Variants in ARMH3 observed in about 807,000 individuals in gnomAD.
ARMH3 encodes armadillo-like helical domain-containing protein 3.
ARMH3 carries 60 observed loss-of-function variants against 99.1 expected under a neutral mutation model. The ratio of observed to expected loss-of-function variants is 0.61; its 90% CI spans 0.49 to 0.75. The LOEUF (loss-of-function observed/expected upper bound fraction) is 0.75, where lower values mean the gene tolerates loss of function less well. Ranked by LOEUF, ARMH3 falls within the 30% of genes least tolerant of loss-of-function variation. ARMH3 has a pLI of 0.00. For synonymous variants in ARMH3, 285 were observed against 292.8 expected (o/e 0.97, Z 0.27); for missense variants, 679 against 843.1 (o/e 0.81, Z 2.41).
intron 23 of ARMH3, among the ~76,000 whole-genome samples, chr10:101,919,133 C>G (rs971333707): frequency 6.6e-6 from 1 of 152,058 alleles, no homozygotes; most frequent in East Asian, 1.9e-4. Flanking sequence ...GTCTTCAGAA[C>G]AAGCAAAAAG....
At chr10:101,978,873 G>A (rs989693455) in intron 19 of ARMH3, among the ~76,000 whole-genome samples, 12 of 151,982 alleles carry the variant, frequency 7.9e-5, no homozygotes, top group African/African-American at 2.4e-4. Flanking sequence ...CCGGGAGGTC[G>A]AAGTTGCAGT....
intron 24 of ARMH3, among the ~76,000 whole-genome samples, chr10:101,855,204 A>T (rs973094856): frequency 1.5e-5 from 2 of 136,234 alleles, no homozygotes; most frequent in African/African-American, 5.6e-5. Context: ...AGTAGCTGGG[A>T]TTACAGGTGC....
intron 23 of ARMH3, among the ~76,000 whole-genome samples, chr10:101,933,130 G>A (rs1843794098): frequency 6.6e-6 from 1 of 152,166 alleles, no homozygotes; most frequent in African/African-American, 2.4e-5. Flanking sequence ...AGCTTGCAGT[G>A]AGCGGAGATT....
At chr10:101,932,678 A>C (rs1332742215) in intron 23 of ARMH3, among the ~76,000 whole-genome samples, 1 of 152,268 alleles carries the variant, frequency 6.6e-6, no homozygotes, top group Non-Finnish European at 1.5e-5. Flanking sequence ...AATATTTTAT[A>C]ATTCCTCTTA....
intron 17 of ARMH3, 67 bp from the exon 18 acceptor site, chr10:101,992,105 T>A: frequency 7.8e-7 from 1 of 1,276,260 alleles, no homozygotes. Flanking sequence ...TGGCCCATCA[T>A]CATGTTCCTT....
intron 19 of ARMH3, among the ~76,000 whole-genome samples, chr10:101,977,024 C>A (rs976050840): frequency 3.9e-5 from 6 of 152,020 alleles, no homozygotes; most frequent in Non-Finnish European, 5.9e-5. Context: ...AATTTAAATT[C>A]TATTTATATT....
At chr10:101,909,325 T>G (rs2135537274) in intron 23 of ARMH3, among the ~76,000 whole-genome samples, 1 of 151,122 alleles carries the variant, frequency 6.6e-6, no homozygotes, top group East Asian at 2.0e-4. Flanking sequence ...GAGGACTGCT[T>G]GAGCCTGGGA....
At chr10:102,000,695 AG>A (rs1318701245) in intron 15 of ARMH3, among the ~76,000 whole-genome samples, 2 of 151,502 alleles carry the variant, frequency 1.3e-5, no homozygotes, top group South Asian at 2.1e-4. Flanking sequence ...ACCTGAGCCC[AG>A]GAAGTCAAGG....
At chr10:101,865,681 G>A (rs1210216152) in intron 24 of ARMH3, among the ~76,000 whole-genome samples, 1 of 151,890 alleles carries the variant, frequency 6.6e-6, no homozygotes, top group Non-Finnish European at 1.5e-5. Flanking sequence ...TAGAGATGGG[G>A]TTTCCCCATG....
chr10:101,936,491 C>CAAAA (rs202009727), intron 23 of ARMH3, among the ~76,000 whole-genome samples: 1 of 56,058 alleles, frequency 1.8e-5, no homozygotes, highest in African/African-American at 4.9e-5. Context: ...GACTCTGTCT[C>CAAAA]AAAAAAAAAA....
At chr10:101,944,724 G>C (rs1844442945) in intron 22 of ARMH3, among the ~76,000 whole-genome samples, 1 of 152,058 alleles carries the variant, frequency 6.6e-6, no homozygotes, top group South Asian at 2.1e-4. Flanking sequence ...TGAGGCACAA[G>C]AATCGCTTGA....
chr10:102,006,777 G>A (rs2066500703), intron 13 of ARMH3, 144 bp from the exon 14 acceptor site: 3 of 650,920 alleles, frequency 4.6e-6, no homozygotes, highest in Non-Finnish European at 5.1e-6. Flanking sequence ...GTCCAAGCTG[G>A]TCTCGAAATC....
chr10:101,906,809 T>G (rs1390094921), intron 23 of ARMH3, among the ~76,000 whole-genome samples: 1 of 152,190 alleles, frequency 6.6e-6, no homozygotes, highest in Non-Finnish European at 1.5e-5. Flanking sequence ...ATGCTGGTAG[T>G]AAAAACTGTG....
At chr10:101,854,348 G>C (rs1037823889) in intron 24 of ARMH3, among the ~76,000 whole-genome samples, 1 of 152,118 alleles carries the variant, frequency 6.6e-6, no homozygotes, top group Non-Finnish European at 1.5e-5. Flanking sequence ...TGGAAACACT[G>C]TCATCCCAAT....
At chr10:101,875,957 C>T (rs992855309) in intron 24 of ARMH3, among the ~76,000 whole-genome samples, 4 of 152,070 alleles carry the variant, frequency 2.6e-5, no homozygotes, top group South Asian at 2.1e-4. Context: ...CACATTAGAA[C>T]TTCTCTTCTG....
At chr10:101,865,889 G>A (rs1329643062) in intron 24 of ARMH3, among the ~76,000 whole-genome samples, 1 of 152,026 alleles carries the variant, frequency 6.6e-6, no homozygotes, top group Non-Finnish European at 1.5e-5. Context: ...CTCCACATGA[G>A]TAGTTCCTCT....
At chr10:101,990,118 C>CCCT (rs1240430072) in intron 19 of ARMH3, among the ~76,000 whole-genome samples, 5 of 152,056 alleles carry the variant, frequency 3.3e-5, no homozygotes, top group Non-Finnish European at 7.4e-5. Context: ...AGAAAATGTT[C>CCCT]CCTAACACTT....
At position 101,875,345 on chromosome 10, in the gene ARMH3, A is replaced by G. The variant is rs2067235415; in HGVS notation, c.1860+14067T>C. Reference sequence around the variant, plus strand: ...CACTGGGTGCTTATAGTGACTTTCTATCCAAGATAATCTGAATCTCTCTCC... The same window carrying G: ...CACTGGGTGCTTATAGTGACTTTCTGTCCAAGATAATCTGAATCTCTCTCC... On this transcript the variant is annotated intron_variant, in intron 24 of 25. Transcript: ENST00000370033. 2.0e-5 allele frequency among the ~76,000 whole-genome samples: 3 copies of G among 152,160 alleles called. No individual in the cohort carries two copies. The South Asian group carries it at 6.2e-4, about 32-fold the overall frequency.
intron 1 of ARMH3, among the ~76,000 whole-genome samples, chr10:102,042,617 A>G (rs1035776034): frequency 1.3e-5 from 2 of 152,188 alleles, no homozygotes; most frequent in African/African-American, 4.8e-5. Flanking sequence ...TTACCACCCA[A>G]GCTGCCTGAA....
Sources: allele counts gnomAD v4.1 joint callset (sites outside exome capture counted in the v4.1 genomes callset), GRCh38; gene constraint gnomAD v4.1.1; transcripts MANE v1.5; gene names NCBI Gene and HGNC (gene_info 2026-07-23, HGNC 2026-07-21).